SLC22A14: variants seen among roughly 807,000 people sequenced by gnomAD.
The protein encoded by SLC22A14 is solute carrier family 22 member 14.
Under a neutral mutation model 53.9 loss-of-function variants are expected in SLC22A14, and 50 were observed. The ratio of observed to expected loss-of-function variants is 0.93; its 90% CI spans 0.74 to 1.17. The LOEUF (loss-of-function observed/expected upper bound fraction) is 1.17, where lower values mean the gene tolerates loss of function less well. Ranked by LOEUF, SLC22A14 falls within the 50% of genes most tolerant of loss-of-function variation. The pLI, the probability that SLC22A14 is intolerant of heterozygous loss-of-function variation, is 0.00. For synonymous variants in SLC22A14, 312 were observed against 303.0 expected, an observed-to-expected ratio of 1.03 and a Z score of -0.31; for missense variants, 671 against 734.7, an observed-to-expected ratio of 0.91 and a Z score of 1.00.
At chr3:38,310,878 C>T (rs1243753207) in intron 5 of SLC22A14, among the ~76,000 whole-genome samples, 1 of 152,158 alleles carries the variant, frequency 6.6e-6, no homozygotes, top group East Asian at 1.9e-4. Context: ...CAACCTCCTG[C>T]CTTCATTATA....
upstream of SLC22A14, among the ~76,000 whole-genome samples, chr3:38,281,352 G>A (rs1703664743): frequency 6.6e-6 from 1 of 151,356 alleles, no homozygotes. Flanking sequence ...ATTTTCTGTT[G>A]CTTATAACAG....
chr3:38,293,252 T>C (rs1703952130), intron 1 of SLC22A14, among the ~76,000 whole-genome samples: 1 of 152,078 alleles, frequency 6.6e-6, no homozygotes, highest in African/African-American at 2.4e-5. Context: ...TTTAAAGTGT[T>C]CTTGTAGACC....
Position 38,309,035 on chromosome 3 carries a change from T to G in SLC22A14, c.857T>G (p.Leu286Arg). ...HCFFAVGAVL[L>R]TGIAYSLPHW... ...TTTTTCGCTGTTGGGGCCGTGTTGC[T>G]GACAGGGATCGCCTACAGTCTTCCC... Residue 286 changes from leucine (L) to arginine (R), a missense_variant, in exon 5 of 11, where the codon CTG becomes CGG. By Grantham distance (102) the Leu-to-Arg change is moderately radical. Transcript: ENST00000448498. 1 of 1,614,106 alleles carries G rather than the reference T, an allele frequency of 6.2e-7. No individual in the cohort carries two copies. The highest frequency in any genetic ancestry group is 1.6e-4 in the Middle Eastern group (1 of 6,062).
At chr3:38,295,302 T>C (rs1281786881) in intron 1 of SLC22A14, among the ~76,000 whole-genome samples, 1 of 152,258 alleles carries the variant, frequency 6.6e-6, no homozygotes, top group South Asian at 2.1e-4. Flanking sequence ...ATTTTTGAGT[T>C]AGTAAGCTAC....
At chr3:38,289,306 T>A (rs573610524) in intron 1 of SLC22A14, among the ~76,000 whole-genome samples, 1 of 151,814 alleles carries the variant, frequency 6.6e-6, no homozygotes, top group East Asian at 1.9e-4. Flanking sequence ...ACTGACATGA[T>A]ACTATTAACT....
chr3:38,306,577 A>G (rs369488280), intron 2 of SLC22A14, 35 bp downstream of exon 2: 4 of 1,570,874 alleles, frequency 2.5e-6, no homozygotes, highest in Non-Finnish European at 2.6e-6. Flanking sequence ...TAACTACCCT[A>G]CAGGCTCAGA....
At chr3:38,278,915 C>T (rs556401651), upstream of SLC22A14, among the ~76,000 whole-genome samples, 1 of 151,638 alleles carries the variant, frequency 6.6e-6, no homozygotes, top group South Asian at 2.1e-4. Flanking sequence ...CCTTAGCCTG[C>T]AAGAACACCA....
chr3:38,299,341 C>T (rs1051798628), intron 1 of SLC22A14, among the ~76,000 whole-genome samples: 1 of 152,200 alleles, frequency 6.6e-6, no homozygotes, highest in Admixed American at 6.5e-5. Flanking sequence ...TTCCCACCCA[C>T]TCACCCTCAG....
intron 6 of SLC22A14, 75 bp from the exon 7 acceptor site, chr3:38,313,313 C>A: frequency 1.4e-6 from 2 of 1,390,734 alleles, no homozygotes; most frequent in Non-Finnish European, 2.0e-6. Flanking sequence ...ACAGGCAGGC[C>A]TTGTGGGTGC....
rs773018006 is a variant in SLC22A14, at chr3:38,307,734, T to A, written c.775+14T>A. On this transcript the variant is annotated intron_variant, in intron 4 of 10. Coordinates refer to ENST00000448498, the MANE Select transcript of SLC22A14 (RefSeq NM_001320033.2). This position sits in a 1 kb window ranked among gnomAD's most constrained non-coding sequence, Gnocchi z 4.4. ...GCATTTCTTTGGGTGAGACTGGGCC[T>A]CAATGGGGCAGGGCAGGGTGGCACA... 6.2e-7 allele frequency: 1 copy of A among 1,613,564 alleles called. No individual in the cohort carries two copies. The highest frequency in any genetic ancestry group is 8.5e-7 in the Non-Finnish European group (1 of 1,179,770).
chr3:38,298,638 C>T (rs553493781), intron 1 of SLC22A14, among the ~76,000 whole-genome samples: 9 of 152,132 alleles, frequency 5.9e-5, no homozygotes, highest in Non-Finnish European at 1.2e-4. Context: ...TCACTGCAAC[C>T]TCTGCCTCCT....
At chr3:38,296,179 G>A (rs527291371) in intron 1 of SLC22A14, among the ~76,000 whole-genome samples, 1 of 152,342 alleles carries the variant, frequency 6.6e-6, no homozygotes, top group African/African-American at 2.4e-5. Flanking sequence ...AGGGGCACAC[G>A]CATGGGCGGC....
At chr3:38,294,197 A>C (rs1703974804) in intron 1 of SLC22A14, among the ~76,000 whole-genome samples, 1 of 143,196 alleles carries the variant, frequency 7.0e-6, no homozygotes, top group Non-Finnish European at 1.5e-5. Context: ...GGTTCTTATT[A>C]GTTGGGGAAG....
rs34043027 is a variant in SLC22A14 at position 38,306,142 on chromosome 3, G to C, written c.116G>C (p.Arg39Pro). Residue 39 changes from arginine (R) to proline (P), a missense_variant, in exon 2 of 11, where the codon CGC becomes CCC. Arg to Pro is a moderately radical substitution (Grantham distance 103, BLOSUM62 -2). Transcript: ENST00000448498. Reference protein sequence around the residue: ...PHSWSLEMLLRRLRAVHTKQD... With the variant: ...PHSWSLEMLLPRLRAVHTKQD... ...TCCTGGTCTCTGGAGATGCTGTTAC[G>C]CAGATTGAGGGCTGTCCACACCAAG... 2.5e-6 allele frequency: 4 copies of C among 1,614,030 alleles called. No individual in the cohort carries two copies. The highest frequency in any genetic ancestry group is 3.4e-6 in the Non-Finnish European group (4 of 1,180,004).
chr3:38,286,458 AG>A (rs917460307), intron 1 of SLC22A14, among the ~76,000 whole-genome samples: 4 of 149,094 alleles, frequency 2.7e-5, no homozygotes, highest in Admixed American at 6.7e-5. Context: ...TCTGTCACCC[AG>A]GCTGGAGTGC....
rs201959020 is a variant in SLC22A14 at position 38,308,176 on chromosome 3, AAGG to A, written c.775+473_775+475del. Reference sequence around the variant, plus strand: ...GGAGGAGGAGGAAAGAAGAAGAAAGAAGGAGGAGGAGGAGGAGGAAAGAAAAAG... The same window carrying A: ...GGAGGAGGAGGAAAGAAGAAGAAAGAAGGAGGAGGAGGAGGAAAGAAAAAG... On this transcript the variant is annotated intron_variant, in intron 4 of 10. Transcript: ENST00000448498. The A allele has an allele frequency of 1.7e-3, 270 of 158,490 alleles. 3 individuals are homozygous for A. The highest frequency in any genetic ancestry group is 4.1e-3 in the African/African-American group (171 of 41,400). The allele number at this position is 158,490 out of a possible 1,614,324, so 9.8% of individuals were successfully genotyped here.
At chr3:38,314,579 G>A (rs1449699894) in intron 8 of SLC22A14, among the ~76,000 whole-genome samples, 2 of 152,228 alleles carry the variant, frequency 1.3e-5, no homozygotes, top group Non-Finnish European at 2.9e-5. Context: ...AGCGATCTGT[G>A]CAGCACATGC....
chr3:38,318,008 G>A (rs1027390097), intron 10 of SLC22A14, among the ~76,000 whole-genome samples, 190 bp from the exon 11 acceptor site: 2 of 152,198 alleles, frequency 1.3e-5, no homozygotes, highest in Admixed American at 6.5e-5. Context: ...GAAGGGTCTC[G>A]CAAGGGTTGG....
chr3:38,313,144 G>A (rs754276662), intron 6 of SLC22A14, 25 bp downstream of exon 6: 1 of 1,608,816 alleles, frequency 6.2e-7, no homozygotes, highest in South Asian at 1.1e-5. Context: ...GCCAGGAGTG[G>A]GGCCGGAGCA....
Sources: gnomAD v4.1 joint callset for allele counts (sites outside exome capture counted in the v4.1 genomes callset) on GRCh38, gnomAD v4.1.1 for gene constraint, Gnocchi (gnomAD v3.1) non-coding constraint, MANE v1.5 for transcripts, NCBI Gene and HGNC (gene_info 2026-07-23, HGNC 2026-07-21) for gene names.